Variants in ATP6V0A1 observed in about 807,000 individuals in gnomAD.
The protein encoded by ATP6V0A1 is V-type proton ATPase 116 kDa subunit a 1.
In ATP6V0A1, 43 loss-of-function variants were observed where a neutral mutation model predicts 105.4. The observed-to-expected ratio is 0.41, with a 90% CI of 0.32 to 0.53. The LOEUF is 0.53. Ranked by LOEUF, ATP6V0A1 falls within the 20% of genes least tolerant of loss-of-function variation. ATP6V0A1 has a pLI of 0.30. For synonymous variants in ATP6V0A1, 362 were observed against 372.8 expected, an observed-to-expected ratio of 0.97 and a Z score of 0.33; for missense variants, 676 against 1,051.1, an observed-to-expected ratio of 0.64 and a Z score of 4.93.
chr17:42,505,098 C>T (rs770072311), intron 17 of ATP6V0A1, among the ~76,000 whole-genome samples: 3 of 151,676 alleles, frequency 2.0e-5, no homozygotes, highest in South Asian at 2.1e-4. Context: ...TGCAGTGGCA[C>T]GATCTCAGCT....
At chr17:42,514,823 T>C (rs1391803791) in intron 21 of ATP6V0A1, among the ~76,000 whole-genome samples, 47 of 152,182 alleles carry the variant, frequency 3.1e-4, no homozygotes, top group Non-Finnish European at 8.8e-5. Flanking sequence ...TTCAGAACAG[T>C]GGAAGCAGCT....
At chr17:42,488,816 C>T (rs1295131823) in intron 10 of ATP6V0A1, among the ~76,000 whole-genome samples, 1 of 151,456 alleles carries the variant, frequency 6.6e-6, no homozygotes, top group Non-Finnish European at 1.5e-5. Flanking sequence ...AGTTTGAGAC[C>T]AGCCTGGCCA....
At chr17:42,489,986 A>G (rs534061392) in intron 10 of ATP6V0A1, among the ~76,000 whole-genome samples, 5 of 152,354 alleles carry the variant, frequency 3.3e-5, no homozygotes, top group Admixed American at 6.5e-5. Flanking sequence ...AAGATCTCCA[A>G]TGTCAGGGGC....
chr17:42,496,026 C>T (rs2091130362), intron 14 of ATP6V0A1: 3 of 172,938 alleles, frequency 1.7e-5, no homozygotes, highest in Non-Finnish European at 3.5e-5. Flanking sequence ...GAGCAAGCTG[C>T]ACTCCAGCCT....
chr17:42,513,935 T>A lies in ATP6V0A1; in HGVS notation c.2205T>A (p.Thr735=). 1.9e-6 allele frequency: 3 copies of A among 1,614,178 alleles called. No homozygotes were observed. The South Asian group carries it at 3.3e-5, about 18-fold the overall frequency. ...IEYCLGCISN[T]ASYLRLWALS... ...ACTGCCTGGGCTGCATCTCCAACAC[T>A]GCCTCCTACTTGCGGCTCTGGGCCC... Residue 735 remains threonine (T), a synonymous_variant, in exon 20 of 22, where the codon ACT becomes ACA. Transcript: ENST00000343619.
rs149805487 is a variant in ATP6V0A1 at position 42,499,042 on chromosome 17, T to C, written c.1679T>C (p.Ile560Thr). ...GTCAGCCTGAGTCTGTTCAACCATA[T>C]GTGAGTTGTTCCATTTCTGTCATAA... The part of the protein sequence containing the change: ...FGVSLSLFNH[I>T]YFKKPLNIYF... Residue 560 changes from isoleucine (I) to threonine (T), a missense_variant and splice_region_variant, in exon 15 of 22, where the codon ATC becomes ACC. By Grantham distance (89) the Ile-to-Thr change is moderately conservative. This residue lies in a region of ATP6V0A1 where 435 missense variants were observed against 642.2 expected (regional missense o/e 0.68). Transcript: ENST00000343619. 3,835 of 1,578,538 alleles carry C rather than the reference T, an allele frequency of 2.4e-3. 9 individuals carry two copies. The highest frequency in any genetic ancestry group is 2.9e-3 in the Non-Finnish European group (3,390 of 1,149,396).
At chr17:42,495,309 C>T in intron 13 of ATP6V0A1, 121 bp downstream of exon 13, 1 of 1,026,852 alleles carries the variant, frequency 9.7e-7, no homozygotes, top group Non-Finnish European at 1.4e-6. Flanking sequence ...CTCATTCATG[C>T]TCCACACTGT....
At chr17:42,506,093 T>G (rs2092007436) in intron 17 of ATP6V0A1, among the ~76,000 whole-genome samples, 1 of 152,152 alleles carries the variant, frequency 6.6e-6, no homozygotes, top group African/African-American at 2.4e-5. Flanking sequence ...CAGCCCCTTA[T>G]CCATATACCT....
rs148143672 is a variant in ATP6V0A1, at chr17:42,505,642, A to G, written c.2005-1878A>G. ...TGTGAGCCACTGTGCCCAGCTGACT[A>G]TCACTCTTTTTTATGGTTGCCTAGC... is the stretch of plus-strand genomic sequence containing the variant. On this transcript the variant is annotated intron_variant, in intron 17 of 21. Coordinates refer to ENST00000343619, the MANE Select transcript of ATP6V0A1 (RefSeq NM_001130021.3). Among the ~76,000 whole-genome samples the G allele has an allele frequency of 3.7e-3, 561 of 152,202 alleles. 6 individuals carry two copies. Among genetic ancestry groups the G allele is most frequent in the African/African-American group, 0.013 (543 of 41,538 alleles).
intron 1 of ATP6V0A1, among the ~76,000 whole-genome samples, chr17:42,459,882 A>G (rs8064416): frequency 0.013 from 1,913 of 152,284 alleles, 18 homozygotes; most frequent in South Asian, 0.024. Context: ...AGACTCATCT[A>G]TCAGTACTCA....
intron 2 of ATP6V0A1, among the ~76,000 whole-genome samples, chr17:42,462,416 T>G (rs2086531359): frequency 6.6e-6 from 1 of 151,984 alleles, no homozygotes; most frequent in Admixed American, 6.6e-5. Context: ...GTTTTTGTTG[T>G]TGTTGTTGTT....
intron 11 of ATP6V0A1, among the ~76,000 whole-genome samples, chr17:42,491,683 A>G (rs8074477): frequency 0.94 from 143,243 of 152,188 alleles, 68,074 homozygotes; most frequent in East Asian, 1. Context: ...GGGTTTCACC[A>G]TGTTGCCCAG....
chr17:42,495,831 C>T (rs2146048105), intron 14 of ATP6V0A1, 115 bp downstream of exon 14: 1 of 923,648 alleles, frequency 1.1e-6, no homozygotes, highest in Non-Finnish European at 1.7e-6. Context: ...CATGGTCGCT[C>T]ATGCCTGTAA....
rs1172151161 is a variant in ATP6V0A1 at position 42,514,482 on chromosome 17, CG to C, written c.2420+25del. 1.9e-6 allele frequency: 3 copies of C among 1,562,954 alleles called. No homozygotes were observed. In the African/African-American group the frequency reaches 4.1e-5, roughly 21 times the overall value. On this transcript the variant is annotated intron_variant, in intron 21 of 21. Transcript: ENST00000343619. ...ACTGGTGAGGGGCAGTGGGGCAGGG[CG>C]GGCATGGGGGTGGATGTGTCCTTAG...
At chr17:42,460,128 A>G (rs2086235826) in intron 1 of ATP6V0A1, 1 of 152,250 alleles carries the variant, frequency 6.6e-6, no homozygotes, top group South Asian at 2.1e-4. Context: ...GGGTTGAGAA[A>G]CAGAAAGCTG....
At chr17:42,501,121 G>C (rs1183033141) in intron 16 of ATP6V0A1, 76 bp from the exon 17 acceptor site, 7 of 1,270,974 alleles carry the variant, frequency 5.5e-6, no homozygotes, top group Non-Finnish European at 7.9e-6. Flanking sequence ...GGGGAAATTT[G>C]TGCCATATTT....
chr17:42,500,177 G>A (rs978654406), intron 15 of ATP6V0A1, among the ~76,000 whole-genome samples: 4 of 151,416 alleles, frequency 2.6e-5, no homozygotes, highest in Admixed American at 6.6e-5. Flanking sequence ...TATTGGAGCC[G>A]TTCAAGGTTC....
intron 19 of ATP6V0A1, chr17:42,513,493 T>A (rs573763111): frequency 1.0e-5 from 2 of 191,386 alleles, no homozygotes; most frequent in Admixed American, 5.4e-5. Flanking sequence ...ACAGTCACTT[T>A]CTCAACAGAG....
rs754550279 is a variant in ATP6V0A1 at position 42,494,345 on chromosome 17, A to G, written c.1186A>G (p.Ile396Val). The G allele has an allele frequency of 1.9e-6, 3 of 1,612,964 alleles. No homozygotes were observed. Among genetic ancestry groups the G allele is most frequent in the Non-Finnish European group, 2.5e-6 (3 of 1,179,322 alleles). The change falls in exon 12 of 22, where the codon ATT becomes GTT. Residue 396 changes from isoleucine (I) to valine (V), a missense_variant. This residue lies in a region of ATP6V0A1 where 435 missense variants were observed against 642.2 expected (regional missense o/e 0.68). Transcript: ENST00000343619. Reference protein sequence around the residue: ...YREINPAPYTIITFPFLFAVM... With the variant: ...YREINPAPYTVITFPFLFAVM... ...TGGTTTCTTCATAGCTCCGTATACT[A>G]TTATCACGTTCCCTTTTCTATTTGC...
Sources: gnomAD v4.1 joint callset for allele counts (sites outside exome capture counted in the v4.1 genomes callset) on GRCh38, gnomAD v4.1.1 for gene constraint, gnomAD v4.1.1 regional missense constraint, MANE v1.5 for transcripts, NCBI Gene and HGNC (gene_info 2026-07-23, HGNC 2026-07-21) for gene names.